The following CCDC6 variants were observed in gnomAD, a reference collection of about 807,000 sequenced individuals.
The protein encoded by CCDC6 is coiled-coil domain-containing protein 6.
Under a neutral mutation model 56.6 loss-of-function variants are expected in CCDC6, and 20 were observed. That is an observed-to-expected ratio of 0.35 (90% CI 0.25 to 0.51). CCDC6 has a LOEUF of 0.51. CCDC6 is among the 20% of genes least tolerant of loss of function. The pLI, the probability that CCDC6 is intolerant of heterozygous loss-of-function variation, is 0.95. For synonymous variants in CCDC6, 241 were observed against 234.4 expected (o/e 1.03, Z -0.26); for missense variants, 367 against 601.1 (o/e 0.61, Z 4.07).
chr10:59,834,157 T>G (rs186385976), intron 2 of CCDC6, among the ~76,000 whole-genome samples: 90 of 152,096 alleles, frequency 5.9e-4, no homozygotes, highest in Admixed American at 1.2e-3. Flanking sequence ...AGCCTGATCA[T>G]CCTCAAAATG....
In CCDC6 at chr10:59,789,183, C is replaced by T. The variant is rs1445306660; in HGVS notation, c.*3734G>A. On this transcript the variant is annotated 3_prime_UTR_variant, in exon 9 of 9. Coordinates refer to ENST00000263102, the MANE Select transcript of CCDC6 (RefSeq NM_005436.5). ...TGTTTTTGCCAGGATGAAGTTCAGACCGAGATGTACAATACAATCTAGATG... is the reference window on the plus strand; with the variant it reads ...TGTTTTTGCCAGGATGAAGTTCAGATCGAGATGTACAATACAATCTAGATG... 1.3e-5 allele frequency: 3 copies of T among 230,642 alleles called. No individual in the cohort carries two copies. The highest frequency in any genetic ancestry group is 6.6e-5 in the African/African-American group (3 of 45,184). The allele number at this position is 230,642 out of a possible 1,614,324, so 14.3% of individuals were successfully genotyped here. A position where few individuals can be genotyped will look rare whatever the true frequency, so the allele number is the denominator to read the frequency against.
chr10:59,852,769 T>C (rs572601342), intron 1 of CCDC6, 67 bp from the exon 2 acceptor site: 57 of 1,266,746 alleles, frequency 4.5e-5, no homozygotes, highest in Admixed American at 1.5e-4. Flanking sequence ...AATTTACTAA[T>C]TGAAATATAG....
At chr10:59,813,059 T>C (rs1171622825) in intron 4 of CCDC6, among the ~76,000 whole-genome samples, 2 of 152,246 alleles carry the variant, frequency 1.3e-5, no homozygotes, top group Non-Finnish European at 2.9e-5. Context: ...TGAAAAGTCT[T>C]TATTTAACAA....
intron 1 of CCDC6, among the ~76,000 whole-genome samples, chr10:59,880,333 T>C (rs1051956499): frequency 5.3e-5 from 8 of 151,930 alleles, no homozygotes; most frequent in Non-Finnish European, 1.0e-4. Context: ...TAACAAATGG[T>C]TTTTCTGGAC....
intron 1 of CCDC6, among the ~76,000 whole-genome samples, chr10:59,887,596 A>AG (rs2071392398): frequency 6.6e-6 from 1 of 151,858 alleles, no homozygotes; most frequent in Non-Finnish European, 1.5e-5. Context: ...AGGGGACCAA[A>AG]TACCAAGTGA....
At chr10:59,881,098 C>T (rs1392048780) in intron 1 of CCDC6, among the ~76,000 whole-genome samples, 2 of 152,142 alleles carry the variant, frequency 1.3e-5, no homozygotes, top group Non-Finnish European at 2.9e-5. Flanking sequence ...GTCTCCTCAG[C>T]CATGTGCCTT....
intron 2 of CCDC6, among the ~76,000 whole-genome samples, chr10:59,833,977 A>G (rs1021968491): frequency 6.6e-6 from 1 of 152,166 alleles, no homozygotes; most frequent in African/African-American, 2.4e-5. Flanking sequence ...GAGCAAAGCC[A>G]AGAGAGGTCG....
At chr10:59,829,565 T>A (rs1337773501) in intron 3 of CCDC6, among the ~76,000 whole-genome samples, 1 of 152,094 alleles carries the variant, frequency 6.6e-6, no homozygotes, top group Non-Finnish European at 1.5e-5. Context: ...GTGTGGTATA[T>A]CCATACCATA....
intron 1 of CCDC6, among the ~76,000 whole-genome samples, chr10:59,896,102 T>C (rs888907999): frequency 6.6e-6 from 1 of 152,252 alleles, no homozygotes; most frequent in Non-Finnish European, 1.5e-5. Context: ...CTCTGCCCTA[T>C]ATGCTTTTTC....
chr10:59,905,586 C>T (rs907076388), intron 1 of CCDC6, among the ~76,000 whole-genome samples: 2 of 152,188 alleles, frequency 1.3e-5, no homozygotes, highest in African/African-American at 4.8e-5. Flanking sequence ...AACTCCACTT[C>T]CCGGATTCCC....
rs143441008 is a variant in CCDC6, at chr10:59,814,722, A to G, written c.616T>C (p.Leu206=). 655 of 1,613,276 alleles carry G rather than the reference A, an allele frequency of 4.1e-4. 5 individuals are homozygous for G. In the African/African-American group the frequency reaches 8.0e-3, roughly 20 times the overall value. Residue 206 remains leucine (L), a synonymous_variant, in exon 4 of 9, where the codon TTG becomes CTG. Transcript: ENST00000263102. Reference sequence around the variant, plus strand: ...ACTAGTGCTTCTTGTTCTTGTTCCAATGTATTTTCAAGGTCAATCTTCTCC... The same window carrying G: ...ACTAGTGCTTCTTGTTCTTGTTCCAGTGTATTTTCAAGGTCAATCTTCTCC... ...RREKIDLENT[L]EQEQEALVNR...
At position 59,792,628 on chromosome 10, in the gene CCDC6, C is replaced by T. The variant is rs11593747; in HGVS notation, c.*289G>A. On this transcript the variant is annotated 3_prime_UTR_variant, in exon 9 of 9. Transcript: ENST00000263102. ...AGCTCTGGGCCAAGCAAAAATTGCA[C>T]ACTGCTGCTGAAATACCAAATACCA... is the stretch of plus-strand genomic sequence containing the variant. 1.4e-3 allele frequency: 996 copies of T among 695,984 alleles called. 2 individuals carry two copies. The highest frequency in any genetic ancestry group is 2.3e-3 in the Non-Finnish European group (855 of 374,422). 43.1% of individuals were successfully genotyped at this position (695,984 alleles called of 1,614,324 possible).
intron 7 of CCDC6, among the ~76,000 whole-genome samples, chr10:59,800,320 A>G (rs1362571398): frequency 6.6e-6 from 1 of 152,038 alleles, no homozygotes; most frequent in African/African-American, 2.4e-5. Context: ...TCCTTCTACT[A>G]CTCTTAACGC....
rs1219176343 is a variant in CCDC6, at chr10:59,790,485, T to C, written c.*2432A>G. On this transcript the variant is annotated 3_prime_UTR_variant, in exon 9 of 9. Transcript: ENST00000263102. ...GAATCTAAATCTTACTGATCCCTAGTAGTAAGACAATTGCCAAGAAATTGT... is the reference window on the plus strand; with the variant it reads ...GAATCTAAATCTTACTGATCCCTAGCAGTAAGACAATTGCCAAGAAATTGT... 1 of 218,734 alleles carries C rather than the reference T, an allele frequency of 4.6e-6. No individual in the cohort carries two copies. The highest frequency in any genetic ancestry group is 9.2e-6 in the Non-Finnish European group (1 of 108,742). 13.5% of individuals were successfully genotyped at this position (218,734 alleles called of 1,614,324 possible). A position where few individuals can be genotyped will look rare whatever the true frequency, so the allele number is the denominator to read the frequency against.
chr10:59,844,875 C>T, intron 2 of CCDC6, among the ~76,000 whole-genome samples: 1 of 151,980 alleles, frequency 6.6e-6, no homozygotes, highest in East Asian at 1.9e-4. Flanking sequence ...AGAATTCATT[C>T]TAAGCTGAGG....
At chr10:59,830,140 G>A (rs2070823610) in intron 3 of CCDC6, among the ~76,000 whole-genome samples, 1 of 152,090 alleles carries the variant, frequency 6.6e-6, no homozygotes, top group African/African-American at 2.4e-5. Context: ...GCCTTCAAGT[G>A]GCTTATAGTT....
chr10:59,856,353 A>G (rs1260268874), intron 1 of CCDC6, among the ~76,000 whole-genome samples: 1 of 152,112 alleles, frequency 6.6e-6, no homozygotes, highest in Non-Finnish European at 1.5e-5. Context: ...GGTAAAAAAA[A>G]AAAAAAAAAT....
intron 1 of CCDC6, among the ~76,000 whole-genome samples, chr10:59,885,416 G>T (rs145835635): frequency 1.3e-5 from 2 of 152,202 alleles, no homozygotes; most frequent in East Asian, 3.9e-4. Flanking sequence ...GACTGGCATG[G>T]TCCCCCGAAT....
chr10:59,842,750 ATTTTTTTTTTTT>A (rs3043541), intron 2 of CCDC6, among the ~76,000 whole-genome samples: 1 of 115,536 alleles, frequency 8.7e-6, no homozygotes, highest in East Asian at 2.4e-4. Flanking sequence ...ATGGAAGACA[ATTTTTTTTTTTT>A]TTTTTTTTTG....
Sources: gnomAD v4.1 joint callset for allele counts (sites outside exome capture counted in the v4.1 genomes callset) on GRCh38, gnomAD v4.1.1 for gene constraint, MANE v1.5 for transcripts, NCBI Gene and HGNC (gene_info 2026-07-23, HGNC 2026-07-21) for gene names.